Variants in DNAI7 observed in about 807,000 individuals in gnomAD.
The protein encoded by DNAI7 is dynein axonemal intermediate chain 7.
Under a neutral mutation model 86.6 loss-of-function variants are expected in DNAI7, and 78 were observed. The ratio of observed to expected loss-of-function variants is 0.90; its 90% CI spans 0.75 to 1.09. DNAI7 has a LOEUF of 1.09. Among genes scored for constraint, DNAI7 ranks in the 50% least tolerant of loss-of-function variants. DNAI7 has a pLI of 0.00. For missense variants in DNAI7, 753 were observed against 810.2 expected (o/e 0.93, Z 0.86); for synonymous variants, 274 against 273.0 (o/e 1.00, Z -0.04).
intron 9 of DNAI7, 25 bp downstream of exon 9, chr12:25,144,340 A>C (rs774293089): frequency 6.4e-7 from 1 of 1,567,966 alleles, no homozygotes; most frequent in Non-Finnish European, 8.7e-7. Flanking sequence ...GAATAAAAAA[A>C]TGTGTATATT....
intron 9 of DNAI7, among the ~76,000 whole-genome samples, chr12:25,136,685 A>G (rs983693873): frequency 3.3e-5 from 5 of 152,218 alleles, no homozygotes; most frequent in Admixed American, 1.3e-4. Flanking sequence ...GGATAAAAAA[A>G]TCTCCAGAGA....
intron 4 of DNAI7, among the ~76,000 whole-genome samples, chr12:25,155,801 G>A (rs1162719454): frequency 6.6e-6 from 1 of 152,206 alleles, no homozygotes; most frequent in Non-Finnish European, 1.5e-5. Flanking sequence ...AAGGGAAGGA[G>A]CCAGCTTCAC....
Position 25,170,890 on chromosome 12 carries a change from C to T in DNAI7, c.22-9693G>A, listed in dbSNP as rs140297739. Among the ~76,000 whole-genome samples, 956 of 152,172 alleles carry T rather than the reference C, an allele frequency of 6.3e-3. 10 individuals are homozygous for T. Among genetic ancestry groups the T allele is most frequent in the African/African-American group, 0.021 (886 of 41,500 alleles). ...TGCTGAATGAGCATTGGGTCAAAAA[C>T]GAAATCAAGATGAAAATTGAAAAAT... On this transcript the variant is annotated intron_variant, in intron 2 of 15. Coordinates refer to ENST00000395987, the MANE Select transcript of DNAI7 (RefSeq NM_018272.5).
At chr12:25,157,442 C>T (rs1946320555) in intron 4 of DNAI7, among the ~76,000 whole-genome samples, 1 of 151,810 alleles carries the variant, frequency 6.6e-6, no homozygotes, top group Admixed American at 6.6e-5. Context: ...AGATGGAATA[C>T]TGAAATAGAT....
intron 2 of DNAI7, among the ~76,000 whole-genome samples, chr12:25,164,470 A>G (rs947383755): frequency 1.3e-5 from 2 of 151,944 alleles, no homozygotes; most frequent in Non-Finnish European, 2.9e-5. Flanking sequence ...AAACCTCTTC[A>G]ACTCACACCT....
intron 1 of DNAI7, 124 bp from the exon 2 acceptor site, chr12:25,190,755 A>G (rs1041504331): frequency 3.8e-5 from 17 of 451,878 alleles, no homozygotes; most frequent in Non-Finnish European, 6.9e-5. Context: ...AACTCTCTGT[A>G]CCATCTTTGT....
rs751296263 is a variant in DNAI7 at position 25,158,469 on chromosome 12, T to A, written c.198+3A>T. The A allele has an allele frequency of 6.2e-7, 1 of 1,605,120 alleles. No homozygotes were observed. The highest frequency in any genetic ancestry group is 8.5e-7 in the Non-Finnish European group (1 of 1,173,280). On this transcript the variant is annotated splice_donor_region_variant and intron_variant, in intron 4 of 15. Coordinates refer to ENST00000395987, the MANE Select transcript of DNAI7 (RefSeq NM_018272.5). ...ATTAAGAACATTATTAATGTTTATTTACTTTTGCTTCAAGTCGATGCCATT... is the reference window on the plus strand; with the variant it reads ...ATTAAGAACATTATTAATGTTTATTAACTTTTGCTTCAAGTCGATGCCATT...
chr12:25,149,112 A>G (rs1485757684), intron 7 of DNAI7, among the ~76,000 whole-genome samples: 1 of 152,090 alleles, frequency 6.6e-6, no homozygotes, highest in Non-Finnish European at 1.5e-5. Context: ...CAAGCTCCCA[A>G]GTAGCTGGGA....
intron 2 of DNAI7, among the ~76,000 whole-genome samples, chr12:25,182,051 A>G (rs1380511763): frequency 6.7e-6 from 1 of 149,064 alleles, no homozygotes; most frequent in African/African-American, 2.5e-5. Context: ...TTTTTTTTTC[A>G]AAGAGACACC....
chr12:25,140,746 A>G (rs911908510), intron 9 of DNAI7, among the ~76,000 whole-genome samples: 5 of 152,216 alleles, frequency 3.3e-5, no homozygotes, highest in African/African-American at 9.6e-5. Flanking sequence ...AAGAGCCCAC[A>G]TAGCCAAACC....
chr12:25,121,808 T>A lies in DNAI7; in HGVS notation c.1184A>T (p.Asp395Val). ...FTTLGGVYHLDILELPPQCKP... is the reference protein window; with the variant it reads ...FTTLGGVYHLVILELPPQCKP... The stretch of plus-strand genomic sequence containing the variant: ...ACACTGTGGAGGAAGCTCCAAAATA[T>A]CCAAGTGGTATACTCCACCCAGAGT... Residue 395 changes from aspartate to valine, a missense_variant, in exon 11 of 16, where the codon GAT (aspartate) becomes GTT (valine). Asp to Val is a radical substitution (Grantham distance 152). Transcript: ENST00000395987. 1 of 1,608,014 alleles carries A rather than the reference T, an allele frequency of 6.2e-7. No individual in the cohort carries two copies. Among genetic ancestry groups the A allele is most frequent in the Non-Finnish European group, 8.5e-7 (1 of 1,178,480 alleles).
intron 13 of DNAI7, among the ~76,000 whole-genome samples, chr12:25,112,715 GTTTT>G (rs969693034): frequency 4.6e-5 from 7 of 151,438 alleles, no homozygotes; most frequent in African/African-American, 1.7e-4. Context: ...CTACACATCT[GTTTT>G]TTTTTTAATG....
intron 2 of DNAI7, among the ~76,000 whole-genome samples, chr12:25,167,435 G>C (rs1947612943): frequency 6.6e-6 from 1 of 152,104 alleles, no homozygotes; most frequent in African/African-American, 2.4e-5. Context: ...CCCTGATGAA[G>C]TTCTATTGTT....
At chr12:25,163,555 C>G (rs531573036) in intron 2 of DNAI7, among the ~76,000 whole-genome samples, 19 of 152,254 alleles carry the variant, frequency 1.2e-4, no homozygotes, top group African/African-American at 3.9e-4. Context: ...CCACCTGCAC[C>G]CAGGTGATTA....
At chr12:25,184,522 T>G (rs974320827) in intron 2 of DNAI7, among the ~76,000 whole-genome samples, 1 of 152,220 alleles carries the variant, frequency 6.6e-6, no homozygotes, top group Admixed American at 6.5e-5. Context: ...ATTAATCAAC[T>G]GATGAACATC....
At position 25,161,113 on chromosome 12, in the gene DNAI7, C is replaced by G. The variant is rs1160569049; in HGVS notation, c.106G>C (p.Glu36Gln). ...EEEERRLKEE[E>Q]EARLKYEKEE... is the part of the protein sequence containing the mutation. The stretch of plus-strand genomic sequence containing the variant: ...AATAGTATCACTATTTATTTTGTAC[C>G]TTCCTCTTTCAGTCGTCTCTCCTCC... The change falls in exon 3 of 16, where the codon GAG becomes CAG. Residue 36 changes from glutamate (E) to glutamine (Q), a missense_variant and splice_region_variant. Transcript: ENST00000395987. The G allele has an allele frequency of 6.2e-7, 1 of 1,611,340 alleles. No individual in the cohort carries two copies. The highest frequency in any genetic ancestry group is 8.5e-7 in the Non-Finnish European group (1 of 1,177,688).
At chr12:25,168,742 C>A (rs1947788153) in intron 2 of DNAI7, among the ~76,000 whole-genome samples, 1 of 152,186 alleles carries the variant, frequency 6.6e-6, no homozygotes, top group Admixed American at 6.5e-5. Context: ...GCTGCACCCC[C>A]TGGGGCACTC....
chr12:25,119,024 C>T, intron 12 of DNAI7, 121 bp downstream of exon 12: 1 of 763,994 alleles, frequency 1.3e-6, no homozygotes, highest in South Asian at 2.7e-5. Context: ...AAAACAAGAC[C>T]CTTGAATTGG....
chr12:25,163,009 G>T (rs942239484), intron 2 of DNAI7, among the ~76,000 whole-genome samples: 1 of 152,192 alleles, frequency 6.6e-6, no homozygotes, highest in Non-Finnish European at 1.5e-5. Flanking sequence ...TGAAGGGAGC[G>T]ATCTGCTCCT....
Sources: gnomAD v4.1 joint callset for allele counts (sites outside exome capture counted in the v4.1 genomes callset) on GRCh38, gnomAD v4.1.1 for gene constraint, MANE v1.5 for transcripts, NCBI Gene and HGNC (gene_info 2026-07-23, HGNC 2026-07-21) for gene names.